Variants in C5orf63 observed in about 807,000 individuals in gnomAD.
The protein encoded by C5orf63 is chromosome 5 open reading frame 63.
A neutral mutation model predicts 13.3 loss-of-function variants in C5orf63; 18 were observed. The observed-to-expected ratio is 1.36, with a 90% CI of 0.94 to 2.01. C5orf63 has a LOEUF of 2.01. Among genes scored for constraint, C5orf63 ranks in the 30% most tolerant of loss-of-function variants. The pLI is 0.00. For synonymous variants in C5orf63, 38 were observed against 44.7 expected, an observed-to-expected ratio of 0.85 and a Z score of 0.60; for missense variants, 118 against 127.7, an observed-to-expected ratio of 0.92 and a Z score of 0.36.
chr5:127,054,123 T>A (rs1206361867), intron 3 of C5orf63, among the ~76,000 whole-genome samples: 2 of 152,170 alleles, frequency 1.3e-5, no homozygotes, highest in Admixed American at 1.3e-4. Flanking sequence ...TGCTAAAATT[T>A]TGCTTTTATA....
chr5:127,059,306 T>G (rs371069975), intron 2 of C5orf63, among the ~76,000 whole-genome samples: 1 of 152,222 alleles, frequency 6.6e-6, no homozygotes, highest in Non-Finnish European at 1.5e-5. Context: ...TAAAATTTCA[T>G]CTGCAGATTT....
downstream of C5orf63, chr5:127,047,813 A>C (rs1204581719): frequency 1.4e-6 from 1 of 703,970 alleles, no homozygotes; most frequent in South Asian, 1.5e-5. Flanking sequence ...TTTAAAGTTA[A>C]GTTGTATCTT....
intron 2 of C5orf63, among the ~76,000 whole-genome samples, chr5:127,070,881 G>A (rs916923734): frequency 6.6e-6 from 1 of 152,178 alleles, no homozygotes. Flanking sequence ...AAGGCAGTTT[G>A]AGGAGCATCT....
chr5:127,046,076 A>G (rs1221125303), exon 5 of C5orf63: 1 of 152,178 alleles, frequency 6.6e-6, no homozygotes, highest in African/African-American at 2.4e-5. Flanking sequence ...TTCCAACCAT[A>G]CTCAGTGGGC....
At position 127,061,346 on chromosome 5, in the gene C5orf63, C is replaced by T. The variant is rs147728635; in HGVS notation, c.-7-2344G>A. The stretch of plus-strand genomic sequence containing the variant: ...TTTAGAGAAAACCACCAACCCATAT[C>T]ATGCTAGAATAAAGACCACAGAACA... On this transcript the variant is annotated intron_variant, in intron 2 of 4. Transcript: ENST00000296662. Among the ~76,000 whole-genome samples the T allele has an allele frequency of 3.3e-5, 5 of 152,318 alleles. No homozygotes were observed. The East Asian group carries it at 7.7e-4, about 23-fold the overall frequency.
chr5:127,069,360 T>C (rs1754448511), intron 2 of C5orf63, among the ~76,000 whole-genome samples: 1 of 152,232 alleles, frequency 6.6e-6, no homozygotes, highest in Admixed American at 6.5e-5. Context: ...TTAAACATCT[T>C]AGTCTTATTG....
intron 3 of C5orf63, among the ~76,000 whole-genome samples, chr5:127,054,648 C>A (rs185538693): frequency 1.8e-4 from 28 of 152,202 alleles, no homozygotes; most frequent in East Asian, 5.8e-4. Context: ...CCTTTGTCAG[C>A]TGGGTAGATT....
downstream of C5orf63, chr5:127,045,032 G>T (rs1283613239): frequency 2.0e-5 from 3 of 152,044 alleles, no homozygotes; most frequent in Non-Finnish European, 2.9e-5. Context: ...GGTCAAATGA[G>T]ATATATAAAA....
rs530784447 is a variant in C5orf63 at position 127,069,244 on chromosome 5, G to A, written c.-8+2340C>T. Among the ~76,000 whole-genome samples, 110 of 152,254 alleles carry A rather than the reference G, an allele frequency of 7.2e-4. 1 individual carries two copies. The highest frequency in any genetic ancestry group is 2.5e-3 in the African/African-American group (105 of 41,560). On this transcript the variant is annotated intron_variant, in intron 2 of 4. Coordinates refer to ENST00000296662, the MANE Select transcript of C5orf63 (RefSeq NM_001164478.2). ...AAGGGATGGGAAAAAAGTATATAAG[G>A]AATTAGGCAGGCTCCTTTCCACATT...
At chr5:127,055,810 A>G (rs1753863369) in intron 3 of C5orf63, among the ~76,000 whole-genome samples, 1 of 152,232 alleles carries the variant, frequency 6.6e-6, no homozygotes, top group Non-Finnish European at 1.5e-5. Context: ...GAACTTTAGA[A>G]GAATCTAGAT....
At position 127,071,652 on chromosome 5, in the gene C5orf63, C is replaced by T. The variant is rs912035737; in HGVS notation, c.-76G>A. The T allele has an allele frequency of 6.6e-6, 1 of 152,170 alleles. No homozygotes were observed. The highest frequency in any genetic ancestry group is 1.5e-5 in the Non-Finnish European group (1 of 68,038). The allele number at this position is 152,170 out of a possible 1,614,324, so 9.4% of individuals were successfully genotyped here. On this transcript the variant is annotated 5_prime_UTR_variant, in exon 2 of 5. Coordinates refer to ENST00000296662, the MANE Select transcript of C5orf63 (RefSeq NM_001164478.2). ...ATTAAAACTGTATTCAGGAAGTATTCCAGCTGGCTTTTGGCTTCCTCTGAT... is the reference window on the plus strand; with the variant it reads ...ATTAAAACTGTATTCAGGAAGTATTTCAGCTGGCTTTTGGCTTCCTCTGAT...
intron 3 of C5orf63, among the ~76,000 whole-genome samples, chr5:127,055,197 A>T (rs1753831043): frequency 1.3e-5 from 2 of 152,188 alleles, no homozygotes; most frequent in Non-Finnish European, 2.9e-5. Context: ...TAATTTATAG[A>T]TTCAGTGCCA....
intron 3 of C5orf63, among the ~76,000 whole-genome samples, 169 bp from the exon 4 acceptor site, chr5:127,052,838 A>G (rs1407673264): frequency 6.6e-6 from 1 of 152,228 alleles, no homozygotes; most frequent in African/African-American, 2.4e-5. Context: ...CTACCATAGA[A>G]TCTTATAAAT....
rs1241434185 is a variant in C5orf63 at position 127,051,383 on chromosome 5, C to G, written c.*388G>C. 8.9e-6 allele frequency: 11 copies of G among 1,232,338 alleles called. No homozygotes were observed. Among genetic ancestry groups the G allele is most frequent in the South Asian group, 4.1e-5 (1 of 24,402 alleles). 76.3% of individuals were successfully genotyped at this position (1,232,338 alleles called of 1,614,324 possible). ...TCACTTTATCTACTGAGTGGAAGAGCATTTATTCTTTCATTAAAAAGTTAA... is the reference window on the plus strand; with the variant it reads ...TCACTTTATCTACTGAGTGGAAGAGGATTTATTCTTTCATTAAAAAGTTAA... On this transcript the variant is annotated 3_prime_UTR_variant, in exon 5 of 5. Coordinates refer to ENST00000296662, the MANE Select transcript of C5orf63 (RefSeq NM_001164478.2).
downstream of C5orf63, chr5:127,051,193 C>T: frequency 1.5e-6 from 1 of 653,400 alleles, no homozygotes; most frequent in East Asian, 3.6e-5. Flanking sequence ...TTTTGTTTTT[C>T]TCAAATGATG....
intron 2 of C5orf63, among the ~76,000 whole-genome samples, chr5:127,061,316 A>G (rs1489047438): frequency 6.6e-6 from 1 of 152,202 alleles, no homozygotes; most frequent in Non-Finnish European, 1.5e-5. Flanking sequence ...ACAGAATGAT[A>G]CGACTTTAGA....
chr5:127,056,233 A>G (rs1179334739), intron 3 of C5orf63, among the ~76,000 whole-genome samples: 1 of 152,204 alleles, frequency 6.6e-6, no homozygotes, highest in Non-Finnish European at 1.5e-5. Flanking sequence ...GCCAGTGGGT[A>G]GCTATAAGGC....
intron 2 of C5orf63, among the ~76,000 whole-genome samples, chr5:127,062,489 T>C (rs558322102): frequency 2.1e-4 from 32 of 152,330 alleles, no homozygotes; most frequent in South Asian, 8.3e-4. Context: ...TAGAGCCTGA[T>C]AGAAAAAGCT....
At chr5:127,055,289 G>A (rs1339786997) in intron 3 of C5orf63, among the ~76,000 whole-genome samples, 2 of 152,098 alleles carry the variant, frequency 1.3e-5, no homozygotes, top group Non-Finnish European at 2.9e-5. Context: ...AAAAGAGCCC[G>A]CATTGCCAAG....
Sources: gnomAD v4.1 joint callset for allele counts (sites outside exome capture counted in the v4.1 genomes callset) on GRCh38, gnomAD v4.1.1 for gene constraint, MANE v1.5 for transcripts, NCBI Gene and HGNC (gene_info 2026-07-23, HGNC 2026-07-21) for gene names.